Variants in SPTBN1 observed in about 807,000 individuals in gnomAD.
The protein encoded by SPTBN1 is spectrin beta, non-erythrocytic 1, also known as spectrin beta chain, non-erythrocytic 1.
A neutral mutation model predicts 266.4 loss-of-function variants in SPTBN1; 32 were observed. The ratio of observed to expected loss-of-function variants is 0.12; its 90% CI spans 0.09 to 0.16. SPTBN1 has a LOEUF of 0.16. Ranked by LOEUF, SPTBN1 falls within the 10% of genes least tolerant of loss-of-function variation. SPTBN1 has a pLI of 1.00. For synonymous variants in SPTBN1, 1,336 were observed against 1,162.2 expected (o/e 1.15, Z -3.04); for missense variants, 2,296 against 3,067.1 (o/e 0.75, Z 5.94).
chr2:54,498,910 G>A (rs1360244091), intron 1 of SPTBN1, among the ~76,000 whole-genome samples: 1 of 152,164 alleles, frequency 6.6e-6, no homozygotes, highest in Non-Finnish European at 1.5e-5. Flanking sequence ...TAGTGGTTAA[G>A]GAACTTTATA....
chr2:54,569,164 G>A (rs1003949507), intron 2 of SPTBN1, among the ~76,000 whole-genome samples: 1 of 152,192 alleles, frequency 6.6e-6, no homozygotes, highest in African/African-American at 2.4e-5. Flanking sequence ...TTACCCCTGG[G>A]AAGAAGAAAG....
Position 54,649,432 on chromosome 2 carries a change from G to C in SPTBN1, c.5203-183G>C, listed in dbSNP as rs1262047033. The C allele has an allele frequency of 1.9e-6, 2 of 1,070,304 alleles. No homozygotes were observed. The highest frequency in any genetic ancestry group is 2.6e-6 in the Non-Finnish European group (2 of 762,634). The allele number at this position is 1,070,304 out of a possible 1,614,324, so 66.3% of individuals were successfully genotyped here. ...GGAGGTAGTGCCTCACTCTGCTGCA[G>C]TGAGCAAGAAAGGAAACCCAGTTGC... is the stretch of plus-strand genomic sequence containing the variant. On this transcript the variant is annotated intron_variant, in intron 25 of 35. Coordinates refer to ENST00000356805, the MANE Select transcript of SPTBN1 (RefSeq NM_003128.3). The surrounding 1 kb of genome is among the most constrained non-coding windows in gnomAD (Gnocchi z 6.7).
Position 54,456,941 on chromosome 2 carries a change from G to GGACAGCC in SPTBN1, c.-48+425_-48+431dup, listed in dbSNP as rs1341616550. ...CGGAGGTGGGTGCGGAGCGGACAGC[G>GGACAGCC]GACAGCCGGAGGGTCTATTTTCAGG... is the stretch of plus-strand genomic sequence containing the variant. On this transcript the variant is annotated intron_variant, in intron 1 of 35. Coordinates refer to ENST00000356805, the MANE Select transcript of SPTBN1 (RefSeq NM_003128.3). Among the ~76,000 whole-genome samples, 58 of 149,580 alleles carry GGACAGCC rather than the reference G, an allele frequency of 3.9e-4. No homozygotes were observed. In the East Asian group the frequency reaches 7.9e-3, roughly 20 times the overall value.
intron 17 of SPTBN1, among the ~76,000 whole-genome samples, chr2:54,636,840 T>C (rs1261292150): frequency 6.6e-6 from 1 of 152,224 alleles, no homozygotes. Context: ...AGGAAGTGTA[T>C]GTGTGGCAGT....
chr2:54,563,104 C>T lies in SPTBN1; in HGVS notation c.149-35988C>T, dbSNP rs529717807. Among the ~76,000 whole-genome samples, 3 of 152,196 alleles carry T rather than the reference C, an allele frequency of 2.0e-5. No homozygotes were observed. The East Asian group carries it at 5.8e-4, about 29-fold the overall frequency. ...TGTTGAGTTTAGGCTGCACGGTGTT[C>T]TGTAACTTTCTCCTTTCAGACTTCT... On this transcript the variant is annotated intron_variant, in intron 2 of 35. Coordinates refer to ENST00000356805, the MANE Select transcript of SPTBN1 (RefSeq NM_003128.3).
chr2:54,567,355 A>AT (rs200691153), intron 2 of SPTBN1, among the ~76,000 whole-genome samples: 1,873 of 151,988 alleles, frequency 0.012, 33 homozygotes, highest in African/African-American at 0.043. Context: ...TTATTTATTT[A>AT]TTTTTGGAAA....
chr2:54,514,649 A>G (rs1225402580), intron 1 of SPTBN1, among the ~76,000 whole-genome samples: 3 of 152,200 alleles, frequency 2.0e-5, no homozygotes, highest in Non-Finnish European at 4.4e-5. Flanking sequence ...GACATAATGA[A>G]TGGGACCCAT....
intron 9 of SPTBN1, among the ~76,000 whole-genome samples, chr2:54,623,071 T>C (rs537462169): frequency 1.3e-5 from 2 of 151,778 alleles, no homozygotes; most frequent in African/African-American, 4.8e-5. Flanking sequence ...CCAAAGTCGT[T>C]TTTTCTTTTC....
Position 54,646,338 on chromosome 2 carries a change from C to T in SPTBN1, c.4729C>T (p.Leu1577Phe). The change falls in exon 23 of 36, where the codon CTC (leucine) becomes TTC (phenylalanine). Residue 1577 changes from leucine to phenylalanine, a missense_variant. Physicochemically the swap from Leu to Phe is conservative, Grantham distance 22 (BLOSUM62 0). This residue lies in a region of SPTBN1 where 644 missense variants were observed against 745.3 expected (regional missense o/e 0.86). Coordinates refer to ENST00000356805, the MANE Select transcript of SPTBN1 (RefSeq NM_003128.3). The surrounding 1 kb of genome is among the most constrained non-coding windows in gnomAD (Gnocchi z 4.4). ...LADLKQLWGL[L>F]IEETEKRHRR... ...CGACCTGAAGCAGCTGTGGGGTCTCCTCATTGAGGAGACAGAGAAACGCCA... is the reference window on the plus strand; with the variant it reads ...CGACCTGAAGCAGCTGTGGGGTCTCTTCATTGAGGAGACAGAGAAACGCCA... 1 of 1,614,132 alleles carries T rather than the reference C, an allele frequency of 6.2e-7. No homozygotes were observed. The highest frequency in any genetic ancestry group is 8.5e-7 in the Non-Finnish European group (1 of 1,180,002).
At chr2:54,464,849 A>G (rs1693546672) in intron 1 of SPTBN1, among the ~76,000 whole-genome samples, 1 of 151,996 alleles carries the variant, frequency 6.6e-6, no homozygotes, top group African/African-American at 2.4e-5. Context: ...ACACAGGGCT[A>G]ATTTTTAAAC....
intron 3 of SPTBN1, among the ~76,000 whole-genome samples, chr2:54,606,871 T>C (rs1226772089): frequency 6.6e-6 from 1 of 152,232 alleles, no homozygotes; most frequent in Non-Finnish European, 1.5e-5. Context: ...AGCACCAGTG[T>C]TACCTCAAAC....
At chr2:54,617,925 G>A (rs1677719558) in intron 6 of SPTBN1, among the ~76,000 whole-genome samples, 153 bp from the exon 7 acceptor site, 1 of 152,026 alleles carries the variant, frequency 6.6e-6, no homozygotes, top group South Asian at 2.1e-4. Context: ...CAAAAATCAG[G>A]TTTCATTGTT....
chr2:54,465,854 A>G (rs1053678941), intron 1 of SPTBN1, among the ~76,000 whole-genome samples: 6 of 152,116 alleles, frequency 3.9e-5, no homozygotes, highest in South Asian at 4.2e-4. Flanking sequence ...AGTACTTTCT[A>G]TTTTATGGTC....
At chr2:54,663,602 G>A (rs575741584) in intron 32 of SPTBN1, 2 of 152,402 alleles carry the variant, frequency 1.3e-5, no homozygotes, top group South Asian at 4.1e-4. Flanking sequence ...AAGCCTGGCT[G>A]TCTCTGGGCT....
rs371679167 is a variant in SPTBN1, at chr2:54,595,921, C to G, written c.149-3171C>G. ...GACATTGCCAAACTGCTAAATGTGC[C>G]GAGGAATCAAAATTGCCCCTGCTGG... On this transcript the variant is annotated intron_variant, in intron 2 of 35. Coordinates refer to ENST00000356805, the MANE Select transcript of SPTBN1 (RefSeq NM_003128.3). 2.6e-5 allele frequency among the ~76,000 whole-genome samples: 4 copies of G among 152,228 alleles called. No individual in the cohort carries two copies. The South Asian group carries it at 8.3e-4, about 32-fold the overall frequency.
Position 54,558,896 on chromosome 2 carries a change from C to A in SPTBN1, c.148+32330C>A. The A allele has an allele frequency of 1.2e-6, 2 of 1,612,236 alleles. No individual in the cohort carries two copies. On this transcript the variant is annotated intron_variant, in intron 2 of 35. Coordinates refer to ENST00000356805, the MANE Select transcript of SPTBN1 (RefSeq NM_003128.3). The surrounding 1 kb of genome is among the most constrained non-coding windows in gnomAD (Gnocchi z 4.6). ...ATTCAAGCAGCTGCAAGGTAAGCCC[C>A]CTCCCAAAGGCCGGGCCTGTCCTGG...
Position 54,626,607 on chromosome 2 carries a change from G to A in SPTBN1, c.1644+373G>A, listed in dbSNP as rs559665923. Among the ~76,000 whole-genome samples, 1 of 152,336 alleles carries A rather than the reference G, an allele frequency of 6.6e-6. No homozygotes were observed. Among genetic ancestry groups the A allele is most frequent in the South Asian group, 2.1e-4 (1 of 4,820 alleles). On this transcript the variant is annotated intron_variant, in intron 12 of 35. Transcript: ENST00000356805. The surrounding 1 kb of genome is among the most constrained non-coding windows in gnomAD (Gnocchi z 4.7). ...TTTGGGCAGGGGTCCCGGAGAGGTG[G>A]TATGGGGAGAAGGGAGGAGTGGTAG... is the stretch of plus-strand genomic sequence containing the variant.
At chr2:54,633,637 G>GGTT (rs1365246643) in intron 17 of SPTBN1, among the ~76,000 whole-genome samples, 1 of 152,170 alleles carries the variant, frequency 6.6e-6, no homozygotes, top group African/African-American at 2.4e-5. Flanking sequence ...TTCCAGTTTG[G>GGTT]GTTGAATTTA....
chr2:54,497,330 A>G (rs1669021491), intron 1 of SPTBN1, among the ~76,000 whole-genome samples: 2 of 152,346 alleles, frequency 1.3e-5, no homozygotes, highest in East Asian at 3.9e-4. Context: ...TAACTGGAAC[A>G]TTTAGCCACT....
Sources: allele counts gnomAD v4.1 joint callset (sites outside exome capture counted in the v4.1 genomes callset), GRCh38; gene constraint gnomAD v4.1.1; regional missense constraint gnomAD v4.1.1; non-coding constraint Gnocchi (gnomAD v3.1); transcripts MANE v1.5; gene names NCBI Gene and HGNC (gene_info 2026-07-23, HGNC 2026-07-21).